The following CCAR1 variants were observed in gnomAD, a reference collection of about 807,000 sequenced individuals.
The protein encoded by CCAR1 is cell division cycle and apoptosis regulator protein 1.
A neutral mutation model predicts 163.8 loss-of-function variants in CCAR1; 78 were observed. That is an observed-to-expected ratio of 0.48 (90% CI 0.40 to 0.57). The LOEUF is 0.57. CCAR1 is among the 20% of genes least tolerant of loss of function. CCAR1 has a pLI of 0.00. For synonymous variants in CCAR1, 443 were observed against 460.7 expected (o/e 0.96, Z 0.49); for missense variants, 1,019 against 1,365.2 (o/e 0.75, Z 4.00).
At chr10:68,729,070 T>C (rs1207708261) in intron 2 of CCAR1, among the ~76,000 whole-genome samples, 2 of 152,186 alleles carry the variant, frequency 1.3e-5, no homozygotes, top group Non-Finnish European at 2.9e-5. Flanking sequence ...CCCTGAAATA[T>C]ACTTAGTGTG....
intron 2 of CCAR1, among the ~76,000 whole-genome samples, chr10:68,734,468 C>T (rs1364048961): frequency 2.0e-5 from 3 of 151,896 alleles, no homozygotes; most frequent in African/African-American, 7.3e-5. Context: ...GCCTGGGCAA[C>T]ATTAATGAGA....
intron 16 of CCAR1, among the ~76,000 whole-genome samples, chr10:68,764,621 T>C (rs2056514887): frequency 1.3e-5 from 2 of 152,158 alleles, no homozygotes; most frequent in African/African-American, 4.8e-5. Context: ...CCAGTCTCTT[T>C]TTGGATTGGC....
At chr10:68,738,220 G>A (rs1446033912) in intron 4 of CCAR1, among the ~76,000 whole-genome samples, 2 of 151,742 alleles carry the variant, frequency 1.3e-5, no homozygotes, top group Non-Finnish European at 2.9e-5. Flanking sequence ...TTTGAGACCA[G>A]CCTGACCAAC....
At chr10:68,723,066 G>T (rs955397419) in intron 2 of CCAR1, among the ~76,000 whole-genome samples, 1 of 151,570 alleles carries the variant, frequency 6.6e-6, no homozygotes, top group Non-Finnish European at 1.5e-5. Context: ...TTACATAGTA[G>T]TTTGGACAGT....
At chr10:68,785,476 C>A (rs757162198) in intron 19 of CCAR1, among the ~76,000 whole-genome samples, 1 of 152,122 alleles carries the variant, frequency 6.6e-6, no homozygotes, top group Non-Finnish European at 1.5e-5. Context: ...CCTGCCTCAG[C>A]CTCCCAAAGT....
intron 6 of CCAR1, among the ~76,000 whole-genome samples, chr10:68,743,122 CAG>C (rs2056204470): frequency 6.6e-6 from 1 of 151,878 alleles, no homozygotes; most frequent in Non-Finnish European, 1.5e-5. Flanking sequence ...TAGTATGAGA[CAG>C]AGTGTCACCA....
chr10:68,724,033 C>T (rs1302006982), intron 2 of CCAR1, among the ~76,000 whole-genome samples: 1 of 151,658 alleles, frequency 6.6e-6, no homozygotes, highest in African/African-American at 2.4e-5. Flanking sequence ...TGGTGCATGC[C>T]TGTAATCCTA....
intron 19 of CCAR1, chr10:68,774,992 GT>G: frequency 2.8e-6 from 1 of 361,998 alleles, no homozygotes. Context: ...GGTATATTTT[GT>G]TTGCCTCTAC....
intron 19 of CCAR1, among the ~76,000 whole-genome samples, chr10:68,781,105 G>A (rs1162969): frequency 0.025 from 3,758 of 152,088 alleles, 152 homozygotes; most frequent in African/African-American, 0.086. Flanking sequence ...GGTGGTGTAC[G>A]CTTGTAATAC....
chr10:68,731,291 T>G (rs1035068393), intron 2 of CCAR1, among the ~76,000 whole-genome samples: 5 of 152,238 alleles, frequency 3.3e-5, no homozygotes, highest in African/African-American at 1.2e-4. Context: ...TAATTCACAT[T>G]GAGTGCAGAA....
chr10:68,783,678 A>C (rs2056763167), intron 19 of CCAR1, among the ~76,000 whole-genome samples: 1 of 152,196 alleles, frequency 6.6e-6, no homozygotes, highest in African/African-American at 2.4e-5. Context: ...TGATAGAGCA[A>C]GAGAACTAAA....
intron 10 of CCAR1, among the ~76,000 whole-genome samples, chr10:68,749,922 G>T (rs2056309099): frequency 6.6e-6 from 1 of 152,112 alleles, no homozygotes; most frequent in Non-Finnish European, 1.5e-5. Flanking sequence ...AAATTCCTCT[G>T]TCATAACGTT....
At chr10:68,722,899 G>A (rs1178633671) in intron 2 of CCAR1, among the ~76,000 whole-genome samples, 2 of 151,822 alleles carry the variant, frequency 1.3e-5, no homozygotes, top group Non-Finnish European at 2.9e-5. Flanking sequence ...TCCAGCCTGG[G>A]CGACAGAGAG....
chr10:68,723,376 G>A (rs1478092230), intron 2 of CCAR1, among the ~76,000 whole-genome samples: 8 of 150,140 alleles, frequency 5.3e-5, no homozygotes, highest in Admixed American at 4.7e-4. Flanking sequence ...CGATATGCCC[G>A]CCTCGGCCTC....
chr10:68,791,887 A>G lies in CCAR1; in HGVS notation c.*621A>G, dbSNP rs2056854870. ...GGAGTTCGAGACCAGCCTGGCCAAC[A>G]TGGTGAAACCCGGTCTCTACTAAAA... On this transcript the variant is annotated 3_prime_UTR_variant, in exon 25 of 25. Transcript: ENST00000265872. 1 of 152,202 alleles carries G rather than the reference A, an allele frequency of 6.6e-6. No individual in the cohort carries two copies. Among genetic ancestry groups the G allele is most frequent in the Admixed American group, 6.6e-5 (1 of 15,226 alleles). The allele number at this position is 152,202 out of a possible 1,614,324, so 9.4% of individuals were successfully genotyped here.
chr10:68,727,128 C>T, intron 2 of CCAR1, among the ~76,000 whole-genome samples: 1 of 139,786 alleles, frequency 7.2e-6, no homozygotes, highest in Non-Finnish European at 1.5e-5. Flanking sequence ...AGTGCAGTGG[C>T]ACGATCTGGG....
In CCAR1 at chr10:68,758,558, C is replaced by CAT. The variant is rs1305032708; in HGVS notation, c.1920+1190_1920+1191dup. Among the ~76,000 whole-genome samples, 6 of 136,282 alleles carry CAT rather than the reference C, an allele frequency of 4.4e-5. No individual in the cohort carries two copies. In the South Asian group the frequency reaches 1.4e-3, roughly 32 times the overall value. 89.4% of individuals were successfully genotyped at this position (136,282 alleles called of 152,430 possible). Reference sequence around the variant, plus strand: ...TGTGTGTGTGTGTATACAGTGTATACATATATATATGTACACACGTTTGTA... The same window carrying CAT: ...TGTGTGTGTGTGTATACAGTGTATACATATATATATATGTACACACGTTTGTA... On this transcript the variant is annotated intron_variant, in intron 15 of 24. Transcript: ENST00000265872.
chr10:68,733,388 G>A (rs766178482), intron 2 of CCAR1, among the ~76,000 whole-genome samples: 30 of 152,180 alleles, frequency 2.0e-4, no homozygotes, highest in Non-Finnish European at 3.1e-4. Flanking sequence ...TTGAGCCTGT[G>A]TGACAGAGTG....
intron 2 of CCAR1, among the ~76,000 whole-genome samples, chr10:68,730,326 A>AATATATATAT (rs748641938): frequency 2.5e-4 from 36 of 145,052 alleles, no homozygotes; most frequent in African/African-American, 9.1e-4. Context: ...TTTAAAAAAG[A>AATATATATAT]ATATATATAT....
Sources: gnomAD v4.1 joint callset for allele counts (sites outside exome capture counted in the v4.1 genomes callset) on GRCh38, gnomAD v4.1.1 for gene constraint, MANE v1.5 for transcripts, NCBI Gene and HGNC (gene_info 2026-07-23, HGNC 2026-07-21) for gene names.